The following SLC2A13 variants were observed in gnomAD, a reference collection of about 807,000 sequenced individuals.
SLC2A13 encodes the protein proton myo-inositol cotransporter.
SLC2A13 carries 32 observed loss-of-function variants against 64.4 expected under a neutral mutation model. That is an observed-to-expected ratio of 0.50 (90% confidence interval 0.37 to 0.67). SLC2A13 has a LOEUF of 0.67. SLC2A13 is among the 30% of genes least tolerant of loss of function. The probability of loss-of-function intolerance (pLI) is 0.00; values close to 1 mark genes in which losing one functional copy is unlikely to be tolerated. For missense variants in SLC2A13, 743 were observed against 829.2 expected, an observed-to-expected ratio of 0.90 and a Z score of 1.28; for synonymous variants, 338 against 327.1, an observed-to-expected ratio of 1.03 and a Z score of -0.36.
At chr12:39,878,822 C>A (rs1454978104) in intron 4 of SLC2A13, among the ~76,000 whole-genome samples, 1 of 152,196 alleles carries the variant, frequency 6.6e-6, no homozygotes, top group Non-Finnish European at 1.5e-5. Context: ...TAAAAGGAAG[C>A]CAGGTGCTAA....
At position 40,028,505 on chromosome 12, in the gene SLC2A13, T is replaced by C. The variant is rs770129674; in HGVS notation, c.721A>G (p.Met241Val). ...SYLQKDGWRY[M>V]LGLAAVPAVI... ...GCCGGAACTGCTGCAAGTCCCAACA[T>C]GTACCTGCAAAGAAAAAAAATCCAC... The change falls in exon 3 of 10, where the codon ATG becomes GTG. Residue 241 changes from methionine (M) to valine (V), a missense_variant. By Grantham distance (21) the Met-to-Val change is conservative. This residue lies in a region of SLC2A13 where 448 missense variants were observed against 447.4 expected (regional missense o/e 1.00). Transcript: ENST00000280871. 21 of 1,612,868 alleles carry C rather than the reference T, an allele frequency of 1.3e-5. No individual in the cohort carries two copies. The highest frequency in any genetic ancestry group is 1.4e-5 in the Non-Finnish European group (16 of 1,179,660).
At chr12:39,895,121 A>C (rs1050934548) in intron 4 of SLC2A13, among the ~76,000 whole-genome samples, 3 of 152,082 alleles carry the variant, frequency 2.0e-5, no homozygotes, top group Admixed American at 6.6e-5. Flanking sequence ...GTCCCACCTC[A>C]GCCTCCCAAG....
intron 1 of SLC2A13, among the ~76,000 whole-genome samples, chr12:40,053,130 A>C (rs915732240): frequency 6.6e-6 from 1 of 151,952 alleles, no homozygotes; most frequent in Non-Finnish European, 1.5e-5. Context: ...AAATACAAAA[A>C]AATTAGCCAG....
intron 7 of SLC2A13, among the ~76,000 whole-genome samples, chr12:39,786,877 G>C (rs1358634084): frequency 1.3e-5 from 2 of 152,170 alleles, no homozygotes; most frequent in Non-Finnish European, 2.9e-5. Flanking sequence ...GACTTATTTT[G>C]AGCTAGTTCT....
chr12:39,819,633 G>T (rs1195060306), intron 7 of SLC2A13: 1 of 152,040 alleles, frequency 6.6e-6, no homozygotes, highest in African/African-American at 2.4e-5. Context: ...ATTTGTAAAA[G>T]GAACATTCAT....
At chr12:39,883,285 C>T (rs576697877) in intron 4 of SLC2A13, among the ~76,000 whole-genome samples, 192 of 152,178 alleles carry the variant, frequency 1.3e-3, no homozygotes, top group Admixed American at 3.9e-3. Context: ...TCTGAATACG[C>T]CTCACCACCA....
chr12:39,868,920 T>G (rs1366436109), intron 5 of SLC2A13, among the ~76,000 whole-genome samples: 1 of 152,202 alleles, frequency 6.6e-6, no homozygotes, highest in Non-Finnish European at 1.5e-5. Flanking sequence ...GTAATCATTT[T>G]AAAAGAATGA....
intron 4 of SLC2A13, among the ~76,000 whole-genome samples, chr12:39,936,909 T>G (rs1162653868): frequency 6.6e-6 from 1 of 152,192 alleles, no homozygotes; most frequent in Non-Finnish European, 1.5e-5. Flanking sequence ...AGTTCTGACC[T>G]GCAACTACAG....
intron 3 of SLC2A13, among the ~76,000 whole-genome samples, chr12:40,012,281 T>C (rs1052167413): frequency 2.0e-5 from 3 of 152,238 alleles, no homozygotes; most frequent in African/African-American, 7.2e-5. Context: ...GAGGAGTTTA[T>C]TATATTTTAT....
At chr12:39,961,351 T>A (rs1591953020) in intron 3 of SLC2A13, among the ~76,000 whole-genome samples, 1 of 152,250 alleles carries the variant, frequency 6.6e-6, no homozygotes, top group East Asian at 1.9e-4. Context: ...AGTGCTGGGA[T>A]TACAGGCATG....
At chr12:39,822,793 TTGAC>T (rs1942560307) in intron 7 of SLC2A13, among the ~76,000 whole-genome samples, 2 of 152,210 alleles carry the variant, frequency 1.3e-5, no homozygotes, top group Admixed American at 1.3e-4. Context: ...AATATTAAGT[TTGAC>T]TGAAAATGAA....
chr12:39,990,362 A>T (rs1376246152), intron 3 of SLC2A13, among the ~76,000 whole-genome samples: 1 of 152,232 alleles, frequency 6.6e-6, no homozygotes, highest in Non-Finnish European at 1.5e-5. Context: ...TTCACATGAG[A>T]GATAAATACA....
chr12:40,024,422 C>T (rs7313231), intron 3 of SLC2A13, among the ~76,000 whole-genome samples: 50,609 of 151,990 alleles, frequency 0.33, 8,531 homozygotes, highest in African/African-American at 0.36. Flanking sequence ...CAGAATTTTG[C>T]ATTTGCTGTT....
intron 3 of SLC2A13, among the ~76,000 whole-genome samples, chr12:40,007,412 G>C (rs554788656): frequency 2.6e-5 from 4 of 151,686 alleles, no homozygotes; most frequent in Non-Finnish European, 4.4e-5. Flanking sequence ...GTTCTTTTTT[G>C]CTATCCAAAA....
intron 7 of SLC2A13, among the ~76,000 whole-genome samples, chr12:39,782,943 C>T (rs892174318): frequency 6.6e-6 from 1 of 152,054 alleles, no homozygotes; most frequent in Non-Finnish European, 1.5e-5. Context: ...TGTATGTATA[C>T]ATGTGCCATG....
intron 4 of SLC2A13, among the ~76,000 whole-genome samples, chr12:39,917,520 T>C (rs1211170380): frequency 1.3e-5 from 2 of 152,056 alleles, no homozygotes; most frequent in African/African-American, 2.4e-5. Flanking sequence ...GTAAGGTTGA[T>C]TGCCCTCCAT....
At chr12:39,834,249 A>AT (rs1942943930) in intron 6 of SLC2A13, among the ~76,000 whole-genome samples, 1 of 152,000 alleles carries the variant, frequency 6.6e-6, no homozygotes, top group Admixed American at 6.6e-5. Context: ...AAAAGATATT[A>AT]TTTTTTCTCC....
Position 39,976,052 on chromosome 12 carries a change from T to C in SLC2A13, c.926-24687A>G, listed in dbSNP as rs543150237. Among the ~76,000 whole-genome samples, 7 of 152,336 alleles carry C rather than the reference T, an allele frequency of 4.6e-5. No individual in the cohort carries two copies. The South Asian group carries it at 1.5e-3, about 32-fold the overall frequency. ...ACACAGAGGAGGCACAATTGTCACA[T>C]GGTGTCAGCTCTGCTCAGGAGTTCA... On this transcript the variant is annotated intron_variant, in intron 3 of 9. Coordinates refer to ENST00000280871, the MANE Select transcript of SLC2A13 (RefSeq NM_052885.4).
chr12:39,921,338 A>G (rs1239630833), intron 4 of SLC2A13, among the ~76,000 whole-genome samples: 1 of 151,988 alleles, frequency 6.6e-6, no homozygotes, highest in Non-Finnish European at 1.5e-5. Context: ...AGTTCCCCTT[A>G]ATTCAAAGAA....
Sources: allele counts gnomAD v4.1 joint callset (sites outside exome capture counted in the v4.1 genomes callset), GRCh38; gene constraint gnomAD v4.1.1; regional missense constraint gnomAD v4.1.1; transcripts MANE v1.5; gene names NCBI Gene and HGNC (gene_info 2026-07-23, HGNC 2026-07-21).